CACNA2D3: variants seen among roughly 807,000 people sequenced by gnomAD.
CACNA2D3 encodes the protein voltage-dependent calcium channel subunit alpha-2/delta-3.
Under a neutral mutation model 160.6 loss-of-function variants are expected in CACNA2D3, and 60 were observed. The observed-to-expected ratio is 0.37, with a 90% confidence interval of 0.30 to 0.46. The LOEUF (loss-of-function observed/expected upper bound fraction) is 0.46. CACNA2D3 is among the 20% of genes least tolerant of loss of function. The pLI is 1.00. For synonymous variants in CACNA2D3, 558 were observed against 492.9 expected, an observed-to-expected ratio of 1.13 and a Z score of -1.75; for missense variants, 1,205 against 1,365.0, an observed-to-expected ratio of 0.88 and a Z score of 1.85.
At chr3:54,739,140 A>C (rs1701590076) in intron 11 of CACNA2D3, among the ~76,000 whole-genome samples, 1 of 151,870 alleles carries the variant, frequency 6.6e-6, no homozygotes, top group South Asian at 2.1e-4. Context: ...AAAAAAAAAG[A>C]CTTGGCAGAG....
chr3:54,733,997 C>T lies in CACNA2D3; in HGVS notation c.1168-18602C>T, dbSNP rs909734193. On this transcript the variant is annotated intron_variant, in intron 11 of 37. Coordinates refer to ENST00000474759, the MANE Select transcript of CACNA2D3 (RefSeq NM_018398.3). Reference sequence around the variant, plus strand: ...AGCACCTTCTTGATGTTTCAGAATTCGGAGTTTGACTTTGGATGCTATGAG... The same window carrying T: ...AGCACCTTCTTGATGTTTCAGAATTTGGAGTTTGACTTTGGATGCTATGAG... Among the ~76,000 whole-genome samples, 4 of 150,270 alleles carry T rather than the reference C, an allele frequency of 2.7e-5. No homozygotes were observed. In the East Asian group the frequency reaches 5.8e-4, roughly 22 times the overall value.
intron 28 of CACNA2D3, among the ~76,000 whole-genome samples, chr3:54,969,261 A>ATTTTTTTTT (rs139722160): frequency 7.0e-5 from 9 of 127,828 alleles, no homozygotes; most frequent in African/African-American, 1.4e-4. Context: ...CATAAAGTAG[A>ATTTTTTTTT]CTTTTTTTTT....
At chr3:54,564,951 C>G (rs536967651) in intron 6 of CACNA2D3, among the ~76,000 whole-genome samples, 72 of 152,298 alleles carry the variant, frequency 4.7e-4, no homozygotes, top group African/African-American at 1.6e-3. Flanking sequence ...TCCTTCCTTT[C>G]AGCTCTCATT....
intron 11 of CACNA2D3, among the ~76,000 whole-genome samples, chr3:54,743,384 A>C (rs1166022529): frequency 6.6e-6 from 1 of 152,202 alleles, no homozygotes; most frequent in Non-Finnish European, 1.5e-5. Context: ...CACTCCAGGT[A>C]GTGGGAGAGG....
intron 11 of CACNA2D3, among the ~76,000 whole-genome samples, chr3:54,675,457 T>C (rs1454653827): frequency 6.6e-6 from 1 of 152,028 alleles, no homozygotes; most frequent in Non-Finnish European, 1.5e-5. Context: ...CCTTTTCTGT[T>C]GACAGAGGAA....
intron 12 of CACNA2D3, among the ~76,000 whole-genome samples, chr3:54,759,810 C>G (rs1702046782): frequency 1.3e-5 from 2 of 152,176 alleles, no homozygotes; most frequent in South Asian, 4.1e-4. Context: ...GCTCTCCTGT[C>G]CCTTCCCAGC....
chr3:54,307,297 C>T (rs529890462), intron 2 of CACNA2D3, among the ~76,000 whole-genome samples: 11 of 152,200 alleles, frequency 7.2e-5, no homozygotes, highest in Admixed American at 3.9e-4. Context: ...CGCATCTCAG[C>T]GTAGGGATGG....
Position 54,819,894 on chromosome 3 carries a change from T to G in CACNA2D3, c.1398+3024T>G, listed in dbSNP as rs533692571. ...CCTGTGTGCTTAAACTGACTGCACC[T>G]TCTTCATGTAGTCAGAAAGAAATGG... On this transcript the variant is annotated intron_variant, in intron 14 of 37. Coordinates refer to ENST00000474759, the MANE Select transcript of CACNA2D3 (RefSeq NM_018398.3). Among the ~76,000 whole-genome samples, 181 of 152,212 alleles carry G rather than the reference T, an allele frequency of 1.2e-3. 1 individual carries two copies. The highest frequency in any genetic ancestry group is 2.9e-3 in the African/African-American group (122 of 41,544).
chr3:54,968,612 T>G, intron 28 of CACNA2D3, 101 bp downstream of exon 28: 1 of 820,604 alleles, frequency 1.2e-6, no homozygotes, highest in East Asian at 2.7e-5. Context: ...TTCCGATGAA[T>G]GTTTGTAAAA....
intron 10 of CACNA2D3, among the ~76,000 whole-genome samples, chr3:54,637,347 A>C (rs1305228630): frequency 6.6e-6 from 1 of 151,666 alleles, no homozygotes; most frequent in African/African-American, 2.4e-5. Context: ...AGGTGGGGGG[A>C]TACAAGAGGA....
chr3:55,070,822 A>G (rs1704787963), intron 35 of CACNA2D3, among the ~76,000 whole-genome samples: 1 of 152,210 alleles, frequency 6.6e-6, no homozygotes, highest in Non-Finnish European at 1.5e-5. Flanking sequence ...TTCACTGTTT[A>G]TATCTTTTTG....
chr3:55,073,509 C>G lies in CACNA2D3; in HGVS notation c.3052C>G (p.Leu1018Val). 1.9e-6 allele frequency: 3 copies of G among 1,613,922 alleles called. No homozygotes were observed. Among genetic ancestry groups the G allele is most frequent in the Middle Eastern group, 1.6e-4 (1 of 6,062 alleles). The change falls in exon 36 of 38, where the codon CTC becomes GTC. Residue 1018 changes from leucine to valine, a missense_variant. Physicochemically the swap from Leu to Val is conservative, Grantham distance 32. Transcript: ENST00000474759. ...CATGGTGGTGGTGGACAGCAGCTGC[C>G]TCTGTGAATCTGTGGCCCCCATCAC... ...LFMVVVDSSC[L>V]CESVAPITMA... is the part of the protein sequence containing the mutation.
chr3:54,615,372 C>T (rs1251211725), intron 9 of CACNA2D3, among the ~76,000 whole-genome samples: 1 of 152,096 alleles, frequency 6.6e-6, no homozygotes, highest in Admixed American at 6.5e-5. Context: ...TCAATCTCAC[C>T]ATCAATTAAA....
At chr3:54,628,859 A>T (rs1221327115) in intron 10 of CACNA2D3, among the ~76,000 whole-genome samples, 2 of 145,942 alleles carry the variant, frequency 1.4e-5, no homozygotes. Flanking sequence ...GGCCATTCAG[A>T]TGGGCCATTC....
chr3:54,696,297 C>T (rs905130822), intron 11 of CACNA2D3, among the ~76,000 whole-genome samples: 1 of 152,122 alleles, frequency 6.6e-6, no homozygotes, highest in African/African-American at 2.4e-5. Flanking sequence ...GCTGGAAGGT[C>T]CCCCCATTCC....
chr3:54,196,639 T>G (rs1196544015), intron 2 of CACNA2D3, among the ~76,000 whole-genome samples: 3 of 152,276 alleles, frequency 2.0e-5, no homozygotes, highest in Non-Finnish European at 4.4e-5. Context: ...TTGCAAGTTA[T>G]GAATATTTAT....
chr3:54,606,993 G>A (rs11915214), intron 9 of CACNA2D3, among the ~76,000 whole-genome samples: 11,544 of 152,174 alleles, frequency 0.076, 591 homozygotes, highest in Non-Finnish European at 0.11. Context: ...GACTTTTTGA[G>A]AAACATATTT....
intron 2 of CACNA2D3, among the ~76,000 whole-genome samples, chr3:54,295,141 T>G (rs1184539584): frequency 6.6e-6 from 1 of 152,146 alleles, no homozygotes; most frequent in South Asian, 2.1e-4. Flanking sequence ...TAGAAAACCC[T>G]GGAGGTGTAG....
At chr3:54,189,555 T>C (rs1700942770) in intron 2 of CACNA2D3, among the ~76,000 whole-genome samples, 1 of 152,106 alleles carries the variant, frequency 6.6e-6, no homozygotes, top group African/African-American at 2.4e-5. Flanking sequence ...CATGTGGTGC[T>C]AGTTGAATAT....
Sources: gnomAD v4.1 joint callset for allele counts (sites outside exome capture counted in the v4.1 genomes callset) on GRCh38, gnomAD v4.1.1 for gene constraint, MANE v1.5 for transcripts, NCBI Gene and HGNC (gene_info 2026-07-23, HGNC 2026-07-21) for gene names.